Variants in SNAP91 observed in about 807,000 individuals in gnomAD.
The protein encoded by SNAP91 is synaptosome associated protein 91.
In SNAP91, 27 loss-of-function variants were observed where a neutral mutation model predicts 100.3. That is an observed-to-expected ratio of 0.27 (90% CI 0.20 to 0.37). SNAP91 has a LOEUF of 0.37. Ranked by LOEUF, SNAP91 falls within the 10% of genes least tolerant of loss-of-function variation. SNAP91 has a pLI of 1.00. For missense variants in SNAP91, 986 were observed against 1,123.7 expected (o/e 0.88, Z 1.75); for synonymous variants, 404 against 398.6 (o/e 1.01, Z -0.16).
At chr6:83,675,867 T>C (rs1480728158) in intron 2 of SNAP91, among the ~76,000 whole-genome samples, 1 of 42,426 alleles carries the variant, frequency 2.4e-5, no homozygotes. Flanking sequence ...CACAGAGTTA[T>C]AATTAGATTC....
rs374195705 is a variant in SNAP91 at position 83,631,450 on chromosome 6, C to T, written c.766-8108G>A. Reference sequence around the variant, plus strand: ...TGCTGTCAGTGGAGTATTGAAGTCCCCCACTATTATTGTGTTGCTATCTCA... The same window carrying T: ...TGCTGTCAGTGGAGTATTGAAGTCCTCCACTATTATTGTGTTGCTATCTCA... On this transcript the variant is annotated intron_variant, in intron 8 of 29. Coordinates refer to ENST00000369694, the MANE Select transcript of SNAP91 (RefSeq NM_001242792.2). Among the ~76,000 whole-genome samples, 488 of 152,094 alleles carry T rather than the reference C, an allele frequency of 3.2e-3. 5 individuals are homozygous for T. Among genetic ancestry groups the T allele is most frequent in the South Asian group, 0.018 (86 of 4,824 alleles).
At position 83,657,469 on chromosome 6, in the gene SNAP91, G is replaced by A. The variant is rs566997224; in HGVS notation, c.547-604C>T. ...TCAAGGAAAGTAAAGAAAAATAAAC[G>A]AATTAAAAAGAAAATAAAAGCTAAA... On this transcript the variant is annotated intron_variant, in intron 6 of 29. Coordinates refer to ENST00000369694, the MANE Select transcript of SNAP91 (RefSeq NM_001242792.2). 7.9e-3 allele frequency among the ~76,000 whole-genome samples: 1,207 copies of A among 152,106 alleles called. 9 individuals carry two copies. Among genetic ancestry groups the A allele is most frequent in the Non-Finnish European group, 0.011 (716 of 67,996 alleles).
rs537889074 is a variant in SNAP91, at chr6:83,698,915, G to A, written c.130+8883C>T. Among the ~76,000 whole-genome samples the A allele has an allele frequency of 1.4e-3, 210 of 152,234 alleles. 2 individuals are homozygous for A. Among genetic ancestry groups the A allele is most frequent in the Admixed American group, 2.6e-3 (39 of 15,290 alleles). On this transcript the variant is annotated intron_variant, in intron 2 of 29. Coordinates refer to ENST00000369694, the MANE Select transcript of SNAP91 (RefSeq NM_001242792.2). ...CTCATCATGATAGGCAGTATATAAAGACTATATATGGTCAACTTTTCCTAT... is the reference window on the plus strand; with the variant it reads ...CTCATCATGATAGGCAGTATATAAAAACTATATATGGTCAACTTTTCCTAT...
chr6:83,605,964 T>C (rs901514724), intron 13 of SNAP91, among the ~76,000 whole-genome samples, 161 bp from the exon 14 acceptor site: 2 of 151,876 alleles, frequency 1.3e-5, no homozygotes, highest in African/African-American at 2.4e-5. Flanking sequence ...ATACCAAGAG[T>C]TGGCAAACTA....
At chr6:83,625,842 T>G (rs1036825609) in intron 8 of SNAP91, among the ~76,000 whole-genome samples, 7 of 152,200 alleles carry the variant, frequency 4.6e-5, no homozygotes, top group African/African-American at 9.6e-5. Flanking sequence ...TTTACTCTGT[T>G]AATAGTTTCT....
chr6:83,589,131 T>C (rs758356370), intron 22 of SNAP91, among the ~76,000 whole-genome samples: 11 of 152,236 alleles, frequency 7.2e-5, no homozygotes, highest in Admixed American at 3.3e-4. Context: ...ATTAAAACTA[T>C]GCTATTTCTG....
At chr6:83,681,733 G>C (rs1030989002) in intron 2 of SNAP91, among the ~76,000 whole-genome samples, 8 of 152,162 alleles carry the variant, frequency 5.3e-5, no homozygotes, top group African/African-American at 1.9e-4. Context: ...AAAGAGAGAT[G>C]AGAGGGGTAT....
rs142025721 is a variant in SNAP91, at chr6:83,694,429, A to C, written c.130+13369T>G. On this transcript the variant is annotated intron_variant, in intron 2 of 29. Coordinates refer to ENST00000369694, the MANE Select transcript of SNAP91 (RefSeq NM_001242792.2). ...CATGGCAGACCATGATACGAGCAAAAAATTAAGCTTGTAGCATGCCACTAG... is the reference window on the plus strand; with the variant it reads ...CATGGCAGACCATGATACGAGCAAACAATTAAGCTTGTAGCATGCCACTAG... Among the ~76,000 whole-genome samples, 60 of 152,300 alleles carry C rather than the reference A, an allele frequency of 3.9e-4. 1 individual carries two copies. The East Asian group carries it at 0.011, about 29-fold the overall frequency.
intron 2 of SNAP91, among the ~76,000 whole-genome samples, 192 bp from the exon 3 acceptor site, chr6:83,665,773 A>G (rs2098670369): frequency 6.6e-6 from 1 of 151,978 alleles, no homozygotes; most frequent in Non-Finnish European, 1.5e-5. Flanking sequence ...TTTACCCAAT[A>G]TATTTATTTA....
chr6:83,626,890 T>C (rs2096954021), intron 8 of SNAP91, among the ~76,000 whole-genome samples: 1 of 152,108 alleles, frequency 6.6e-6, no homozygotes, highest in Non-Finnish European at 1.5e-5. Flanking sequence ...TCCAGTATTA[T>C]GCTGAATAGT....
intron 7 of SNAP91, among the ~76,000 whole-genome samples, chr6:83,647,955 A>G (rs2098019033): frequency 1.3e-5 from 2 of 152,166 alleles, no homozygotes; most frequent in South Asian, 4.1e-4. Flanking sequence ...GAGAGAGTGC[A>G]TGCCTGACAA....
At chr6:83,565,708 G>A (rs1362121949) in intron 26 of SNAP91, among the ~76,000 whole-genome samples, 1 of 152,274 alleles carries the variant, frequency 6.6e-6, no homozygotes, top group Middle Eastern at 3.4e-3. Context: ...CACATGAAAA[G>A]ATGTTAAACA....
rs753308121 is a variant in SNAP91 at position 83,645,625 on chromosome 6, C to T, written c.659-4423G>A. Among the ~76,000 whole-genome samples the T allele has an allele frequency of 5.9e-5, 9 of 151,966 alleles. No individual in the cohort carries two copies. In the South Asian group the frequency reaches 1.7e-3, roughly 28 times the overall value. ...ACTGTGGGAGGCTGAGGTGGGAAGA[C>T]TGCTTGAACCCAGGAGTTTGAGACC... On this transcript the variant is annotated intron_variant, in intron 7 of 29. Transcript: ENST00000369694.
At chr6:83,682,172 CT>C (rs59549595) in intron 2 of SNAP91, among the ~76,000 whole-genome samples, 46,298 of 123,272 alleles carry the variant, frequency 0.38, 8,419 homozygotes, top group South Asian at 0.48. Flanking sequence ...TTCTTTAATT[CT>C]TTTTTTTTTT....
chr6:83,678,977 T>C, intron 2 of SNAP91: 5 of 844,508 alleles, frequency 5.9e-6, no homozygotes, highest in South Asian at 2.2e-5. Flanking sequence ...TGGCCTTCTA[T>C]ATCCACAAGG....
In SNAP91 at chr6:83,594,423, T is replaced by C. The variant is rs749175638; in HGVS notation, c.1383A>G (p.Pro461=). The C allele has an allele frequency of 6.4e-7, 1 of 1,553,156 alleles. No individual in the cohort carries two copies. Among genetic ancestry groups the C allele is most frequent in the South Asian group, 1.2e-5 (1 of 84,142 alleles). Reference sequence around the variant, plus strand: ...CTGCTGCTACAGGGGTTGGGGTAGCTGGTGCGGCGGCCCCTTCGGATGCTG... The same window carrying C: ...CTGCTGCTACAGGGGTTGGGGTAGCCGGTGCGGCGGCCCCTTCGGATGCTG... ...APAASEGAAA[P]ATPTPVAAAL... is the part of the protein sequence containing the mutation. The change falls in exon 17 of 30, where the codon CCA becomes CCG. Residue 461 remains proline (P), a synonymous_variant. Coordinates refer to ENST00000369694, the MANE Select transcript of SNAP91 (RefSeq NM_001242792.2).
At chr6:83,694,579 T>A (rs750081618) in intron 2 of SNAP91, among the ~76,000 whole-genome samples, 6 of 152,126 alleles carry the variant, frequency 3.9e-5, no homozygotes, top group Non-Finnish European at 7.4e-5. Context: ...TTTGGAAAAC[T>A]CTCTCTCTAG....
chr6:83,602,737 G>A (rs1405016490), intron 14 of SNAP91, among the ~76,000 whole-genome samples: 2 of 152,002 alleles, frequency 1.3e-5, no homozygotes, highest in African/African-American at 4.8e-5. Context: ...GCTATGAAAT[G>A]TTGCAGTTGT....
At chr6:83,574,982 G>A (rs140683220) in intron 26 of SNAP91, 28 bp downstream of exon 26, 16 of 1,451,408 alleles carry the variant, frequency 1.1e-5, no homozygotes, top group South Asian at 4.8e-5. Context: ...AACTGCCTGC[G>A]CTGCCCTGGG....
Sources: allele counts gnomAD v4.1 joint callset (sites outside exome capture counted in the v4.1 genomes callset), GRCh38; gene constraint gnomAD v4.1.1; transcripts MANE v1.5; gene names NCBI Gene and HGNC (gene_info 2026-07-23, HGNC 2026-07-21).